Variants in ALDH18A1 observed in about 807,000 individuals in gnomAD.
ALDH18A1 encodes the protein delta-1-pyrroline-5-carboxylate synthase.
Under a neutral mutation model 88.8 loss-of-function variants are expected in ALDH18A1, and 44 were observed. The observed-to-expected ratio is 0.50, with a 90% CI of 0.39 to 0.64. The LOEUF (loss-of-function observed/expected upper bound fraction) is 0.64. Among genes scored for constraint, ALDH18A1 ranks in the 30% least tolerant of loss-of-function variants. ALDH18A1 has a pLI of 0.00. For missense variants in ALDH18A1, 782 were observed against 1,009.5 expected (o/e 0.77, Z 3.05); for synonymous variants, 331 against 372.1 (o/e 0.89, Z 1.27).
chr10:95,654,106 C>G lies in ALDH18A1; in HGVS notation c.-28-701G>C, dbSNP rs952743094. On this transcript the variant is annotated intron_variant, in intron 1 of 17. Coordinates refer to ENST00000371224, the MANE Select transcript of ALDH18A1 (RefSeq NM_002860.4). ...TTTAGACAAAGAATAGTTTATTTCA[C>G]AAAAAAGTAGGGAACTCCTTCCTAT... Among the ~76,000 whole-genome samples the G allele has an allele frequency of 2.0e-5, 3 of 150,058 alleles. No individual in the cohort carries two copies. The East Asian group carries it at 5.9e-4, about 29-fold the overall frequency.
chr10:95,648,833 T>G (rs1017319569), intron 2 of ALDH18A1, among the ~76,000 whole-genome samples: 1 of 152,176 alleles, frequency 6.6e-6, no homozygotes, highest in South Asian at 2.1e-4. Flanking sequence ...AGAACCACTG[T>G]GCAGCTGAGC....
intron 11 of ALDH18A1, among the ~76,000 whole-genome samples, chr10:95,622,063 G>C (rs1425858701): frequency 6.6e-6 from 1 of 152,106 alleles, no homozygotes; most frequent in Non-Finnish European, 1.5e-5. Flanking sequence ...ATCCAGAATA[G>C]TAATAATCTA....
intron 1 of ALDH18A1, among the ~76,000 whole-genome samples, chr10:95,653,818 G>C (rs1390410594): frequency 6.6e-6 from 1 of 152,194 alleles, no homozygotes; most frequent in African/African-American, 2.4e-5. Context: ...AACAGAACCA[G>C]GAAATGCACC....
rs1476491153 is a variant in ALDH18A1, at chr10:95,606,891, T to C, written c.2259A>G (p.Gly753=). The change falls in exon 18 of 18, where the codon GGA becomes GGG. Residue 753 remains glycine (G), a synonymous_variant. Coordinates refer to ENST00000371224, the MANE Select transcript of ALDH18A1 (RefSeq NM_002860.4). ...ACTTAGTAGTAAGCAGTCCCTCAAG[T>C]CCTACTGGTCCCCGGGCGTGGATTC... ...TSRIHARGPV[G]LEGLLTTKWL... is the part of the protein sequence containing the mutation. 6.2e-7 allele frequency: 1 copy of C among 1,614,006 alleles called. No individual in the cohort carries two copies. The highest frequency in any genetic ancestry group is 8.5e-7 in the Non-Finnish European group (1 of 1,180,014).
chr10:95,624,308 G>T lies in ALDH18A1; in HGVS notation c.1246+1054C>A, dbSNP rs536735285. ...AGTCTTCTGCCAACAACAAGCTGTG[G>T]AACCTTGGGCAACAACAGGTTTACC... On this transcript the variant is annotated intron_variant, in intron 11 of 17. Transcript: ENST00000371224. 2.0e-5 allele frequency among the ~76,000 whole-genome samples: 3 copies of T among 152,290 alleles called. No homozygotes were observed. In the East Asian group the frequency reaches 5.8e-4, roughly 29 times the overall value.
chr10:95,633,418 G>A lies in ALDH18A1; in HGVS notation c.717+73C>T, dbSNP rs941964061. The A allele has an allele frequency of 5.8e-6, 9 of 1,560,020 alleles. No individual in the cohort carries two copies. The Admixed American group carries it at 1.1e-4, about 18-fold the overall frequency. ...TCCATCTTGTTTATGCCAAACTTCT[G>A]GTGTTAGTGCATGCAGCATAGCATG... On this transcript the variant is annotated intron_variant, in intron 6 of 17. Coordinates refer to ENST00000371224, the MANE Select transcript of ALDH18A1 (RefSeq NM_002860.4).
At chr10:95,652,915 G>T (rs569024925) in intron 2 of ALDH18A1, among the ~76,000 whole-genome samples, 1 of 151,462 alleles carries the variant, frequency 6.6e-6, no homozygotes, top group East Asian at 2.0e-4. Flanking sequence ...GGCTGGGCAC[G>T]ATGGCTCACG....
chr10:95,635,362 C>T (rs2097878647), intron 5 of ALDH18A1, among the ~76,000 whole-genome samples: 1 of 152,140 alleles, frequency 6.6e-6, no homozygotes, highest in African/African-American at 2.4e-5. Flanking sequence ...AATAGCTTCA[C>T]AAACATGGCC....
Position 95,625,268 on chromosome 10 carries a change from A to C in ALDH18A1, c.1246+94T>G, listed in dbSNP as rs115728778. On this transcript the variant is annotated intron_variant, in intron 11 of 17. Transcript: ENST00000371224. ...TACAATTTCTTTTATAAAAATCCTT[A>C]TCTTTAGGCAGACATAAGAATTATT... 40,838 of 1,027,768 alleles carry C rather than the reference A, an allele frequency of 0.04. 1,006 individuals are homozygous for C. Among genetic ancestry groups the C allele is most frequent in the Non-Finnish European group, 0.049 (31,703 of 650,690 alleles). 63.7% of individuals were successfully genotyped at this position (1,027,768 alleles called of 1,614,324 possible). A position where few individuals can be genotyped will look rare whatever the true frequency, so the allele number is the denominator to read the frequency against.
intron 2 of ALDH18A1, among the ~76,000 whole-genome samples, chr10:95,643,463 T>G (rs2097895701): frequency 1.3e-5 from 2 of 152,182 alleles, no homozygotes; most frequent in Non-Finnish European, 1.5e-5. Context: ...CAAATTAATC[T>G]CTCTTGAAGA....
intron 2 of ALDH18A1, among the ~76,000 whole-genome samples, chr10:95,644,945 C>T (rs2097898733): frequency 6.6e-6 from 1 of 152,152 alleles, no homozygotes; most frequent in Admixed American, 6.6e-5. Flanking sequence ...GACTGCCTAC[C>T]TTCTTGCAGG....
chr10:95,616,481 TGCACG>T lies in ALDH18A1; in HGVS notation c.1596_1600del (p.Val533ThrfsTer9), dbSNP rs2097844381. 2 of 1,564,244 alleles carry T rather than the reference TGCACG, an allele frequency of 1.3e-6. No homozygotes were observed. Among genetic ancestry groups the T allele is most frequent in the Admixed American group, 1.9e-5 (1 of 51,932 alleles). ...GGTGCATTCCCAGGGACCTACCAGT[TGCACG>T]GCCTCCTTGACTCCATGGATTGAGA... On this transcript the variant is annotated frameshift_variant, in exon 13 of 18. Coordinates refer to ENST00000371224, the MANE Select transcript of ALDH18A1 (RefSeq NM_002860.4). LOFTEE classifies it high-confidence loss of function.
intron 11 of ALDH18A1, 69 bp from the exon 12 acceptor site, chr10:95,621,320 C>CA: frequency 1.0e-6 from 1 of 966,742 alleles, no homozygotes; most frequent in Non-Finnish European, 1.5e-6. Context: ...ACCGATGTGT[C>CA]TTTTTTTTTT....
chr10:95,647,479 T>C (rs2097903107), intron 2 of ALDH18A1, among the ~76,000 whole-genome samples: 2 of 152,228 alleles, frequency 1.3e-5, no homozygotes, highest in Admixed American at 1.3e-4. Context: ...ACATGACATA[T>C]ATATCCATGG....
Position 95,613,776 on chromosome 10 carries a change from A to G in ALDH18A1, c.1889T>C (p.Phe630Ser). ...TCTCAGCATATCAATGATCTGGTCA[A>G]ATAATGGTGTCCTGAGCAGATCCCG... ...IHRDLLRTPLFDQIIDMLRVE... is the reference protein window; with the variant it reads ...IHRDLLRTPLSDQIIDMLRVE... The change falls in exon 15 of 18, where the codon TTT becomes TCT. Residue 630 changes from phenylalanine to serine, a missense_variant. Physicochemically the swap from Phe to Ser is radical, Grantham distance 155. Coordinates refer to ENST00000371224, the MANE Select transcript of ALDH18A1 (RefSeq NM_002860.4). 2 of 1,614,178 alleles carry G rather than the reference A, an allele frequency of 1.2e-6. No individual in the cohort carries two copies. The highest frequency in any genetic ancestry group is 1.7e-6 in the Non-Finnish European group (2 of 1,180,022).
intron 1 of ALDH18A1, among the ~76,000 whole-genome samples, chr10:95,654,509 C>G (rs1371402067): frequency 6.6e-6 from 1 of 151,986 alleles, no homozygotes; most frequent in African/African-American, 2.4e-5. Flanking sequence ...TGTGGGCCTC[C>G]TTTTAACTTT....
rs765122458 is a variant in ALDH18A1 at position 95,621,140 on chromosome 10, C to T, written c.1358G>A (p.Arg453His). The T allele has an allele frequency of 1.9e-5, 30 of 1,613,932 alleles. No individual in the cohort carries two copies. The highest frequency in any genetic ancestry group is 4.0e-5 in the African/African-American group (3 of 74,876). ...GGCGATTCGGGTGCGGCGCAAAACA[C>T]GTCCCACGCTGTCCTGGGAGGAGGC... ...IAASSQDSVGRVLRRTRIAKN... is the reference protein window; with the variant it reads ...IAASSQDSVGHVLRRTRIAKN... The change falls in exon 12 of 18, where the codon CGT becomes CAT. Residue 453 changes from arginine to histidine, a missense_variant. By Grantham distance (29) the Arg-to-His change is conservative. This residue lies in a region of ALDH18A1 where 556 missense variants were observed against 654.5 expected (regional missense o/e 0.85). Coordinates refer to ENST00000371224, the MANE Select transcript of ALDH18A1 (RefSeq NM_002860.4).
chr10:95,615,947 A>T (rs2097843470), intron 13 of ALDH18A1, among the ~76,000 whole-genome samples: 1 of 152,222 alleles, frequency 6.6e-6, no homozygotes, highest in Non-Finnish European at 1.5e-5. Flanking sequence ...TTAACGGATA[A>T]AATGAGCCTT....
At chr10:95,645,802 G>A (rs1033944955) in intron 2 of ALDH18A1, among the ~76,000 whole-genome samples, 5 of 151,970 alleles carry the variant, frequency 3.3e-5, no homozygotes, top group African/African-American at 7.3e-5. Context: ...ACAGGTGCAC[G>A]GTCTCTTCCT....
Sources: allele counts gnomAD v4.1 joint callset (sites outside exome capture counted in the v4.1 genomes callset), GRCh38; gene constraint gnomAD v4.1.1; regional missense constraint gnomAD v4.1.1; transcripts MANE v1.5; gene names NCBI Gene and HGNC (gene_info 2026-07-23, HGNC 2026-07-21).